The following CCDC180 variants were observed in gnomAD, a reference collection of about 807,000 sequenced individuals.
CCDC180 encodes the protein coiled-coil domain containing 180, also known as coiled-coil domain-containing protein 180.
In CCDC180, 154 loss-of-function variants were observed where a neutral mutation model predicts 209.2. The observed-to-expected ratio is 0.74, with a 90% confidence interval of 0.65 to 0.84. The LOEUF (loss-of-function observed/expected upper bound fraction) is 0.84, where lower values mean the gene tolerates loss of function less well. Among genes scored for constraint, CCDC180 ranks in the 40% least tolerant of loss-of-function variants. The pLI is 0.00. For synonymous variants in CCDC180, 778 were observed against 749.1 expected (o/e 1.04, Z -0.63); for missense variants, 1,874 against 1,997.3 (o/e 0.94, Z 1.18).
At chr9:97,318,620 TG>T in intron 10 of CCDC180, 38 bp downstream of exon 10, 1 of 1,603,242 alleles carries the variant, frequency 6.2e-7, no homozygotes. Flanking sequence ...GGGTGCTTCT[TG>T]GGGTGCAGTG....
chr9:97,311,403 A>G (rs1332732319), intron 3 of CCDC180, among the ~76,000 whole-genome samples: 2 of 152,206 alleles, frequency 1.3e-5, no homozygotes, highest in Non-Finnish European at 2.9e-5. Flanking sequence ...AGTTGACTGG[A>G]AAGTATTGGA....
chr9:97,354,591 T>C lies in CCDC180; in HGVS notation c.3025T>C (p.Phe1009Leu). 2 of 1,614,182 alleles carry C rather than the reference T, an allele frequency of 1.2e-6. No homozygotes were observed. Among genetic ancestry groups the C allele is most frequent in the Non-Finnish European group, 1.7e-6 (2 of 1,180,018 alleles). ...HCRLFSEGGNFSPKEINSLCS... is the reference protein window; with the variant it reads ...HCRLFSEGGNLSPKEINSLCS... ...CAGATTGTTTTCAGAGGGAGGCAAC[T>C]TTTCTCCTAAAGAAATCAATTCACT... is the stretch of plus-strand genomic sequence containing the variant. The change falls in exon 23 of 37, where the codon TTT becomes CTT. Residue 1009 changes from phenylalanine (F) to leucine (L), a missense_variant. Coordinates refer to ENST00000529487, the MANE Select transcript of CCDC180 (RefSeq NM_020893.6).
At chr9:97,356,303 G>A (rs1587825080) in intron 24 of CCDC180, among the ~76,000 whole-genome samples, 11 of 152,168 alleles carry the variant, frequency 7.2e-5, no homozygotes, top group Admixed American at 7.2e-4. Flanking sequence ...AGTGGCAAGT[G>A]CAGTTCGATA....
In CCDC180 at chr9:97,339,092, T is replaced by G. The variant is rs190638484; in HGVS notation, c.2275-4248T>G. ...AGGTCTCCTGAATACAGCACACTGA[T>G]GGGTCTTGACTCTTTATTCAATTTG... On this transcript the variant is annotated intron_variant, in intron 18 of 36. Coordinates refer to ENST00000529487, the MANE Select transcript of CCDC180 (RefSeq NM_020893.6). Among the ~76,000 whole-genome samples the G allele has an allele frequency of 2.5e-3, 382 of 152,316 alleles. 1 individual carries two copies. The highest frequency in any genetic ancestry group is 8.7e-3 in the African/African-American group (360 of 41,562).
Position 97,370,935 on chromosome 9 carries a change from G to C in CCDC180, c.4488+157G>C, listed in dbSNP as rs1054496464. ...TAGGTAAAAATGGCCATTATTGGCT[G>C]TTTTAACTTGTATACTTTTTTTTTT... On this transcript the variant is annotated intron_variant, in intron 33 of 36. Transcript: ENST00000529487. The C allele has an allele frequency of 3.8e-5, 12 of 317,200 alleles. No homozygotes were observed. The South Asian group carries it at 6.8e-4, about 18-fold the overall frequency. 19.6% of individuals were successfully genotyped at this position (317,200 alleles called of 1,614,324 possible). A position where few individuals can be genotyped will look rare whatever the true frequency, so the allele number is the denominator to read the frequency against.
rs747114295 is a variant in CCDC180, at chr9:97,376,885, G to A, written c.4965G>A (p.Leu1655=). Residue 1655 remains leucine (L), a synonymous_variant, in exon 37 of 37, where the codon CTG becomes CTA. Coordinates refer to ENST00000529487, the MANE Select transcript of CCDC180 (RefSeq NM_020893.6). Reference sequence around the variant, plus strand: ...AGTCCCTGCACACTATCCAAGGCCTGTATGTGTGACCCTCCGCCCCACCAT... The same window carrying A: ...AGTCCCTGCACACTATCCAAGGCCTATATGTGTGACCCTCCGCCCCACCAT... ...WKQSLHTIQG[L]YV is the part of the protein sequence containing the mutation. 38 of 1,611,568 alleles carry A rather than the reference G, an allele frequency of 2.4e-5. No homozygotes were observed. The highest frequency in any genetic ancestry group is 1.7e-4 in the Admixed American group (10 of 59,948).
Position 97,377,079 on chromosome 9 carries a change from C to T in CCDC180, c.*185C>T, listed in dbSNP as rs748742953. 28 of 505,378 alleles carry T rather than the reference C, an allele frequency of 5.5e-5. No individual in the cohort carries two copies. Among genetic ancestry groups the T allele is most frequent in the Non-Finnish European group, 7.5e-5 (23 of 307,208 alleles). The allele number at this position is 505,378 out of a possible 1,614,324, so 31.3% of individuals were successfully genotyped here. A position where few individuals can be genotyped will look rare whatever the true frequency, so the allele number is the denominator to read the frequency against. ...TCCCTGCCCACGTGGAGCCCTCTTCCCATGAGGAAGGCAAGCATGAAAGGG... is the reference window on the plus strand; with the variant it reads ...TCCCTGCCCACGTGGAGCCCTCTTCTCATGAGGAAGGCAAGCATGAAAGGG... On this transcript the variant is annotated 3_prime_UTR_variant, in exon 37 of 37. Transcript: ENST00000529487.
intron 34 of CCDC180, 94 bp from the exon 35 acceptor site, chr9:97,374,449 C>G (rs1184911257): frequency 2.2e-5 from 20 of 918,490 alleles, no homozygotes; most frequent in Non-Finnish European, 3.3e-5. Flanking sequence ...GGAGGGGTGC[C>G]AGTCCTCCCT....
intron 31 of CCDC180, chr9:97,369,620 A>G: frequency 4.3e-6 from 1 of 233,052 alleles, no homozygotes; most frequent in South Asian, 6.5e-5. Context: ...GCTAATGTTT[A>G]AATATTTTTT....
chr9:97,324,295 G>A, intron 13 of CCDC180, among the ~76,000 whole-genome samples: 1 of 152,202 alleles, frequency 6.6e-6, no homozygotes, highest in East Asian at 1.9e-4. Context: ...TCAGGTCTCT[G>A]ACGCACCTTG....
intron 22 of CCDC180, among the ~76,000 whole-genome samples, chr9:97,352,451 A>G (rs980755275): frequency 6.6e-6 from 1 of 152,106 alleles, no homozygotes; most frequent in Admixed American, 6.5e-5. Flanking sequence ...GGTTGATGAG[A>G]TATCTGGGGA....
intron 19 of CCDC180, among the ~76,000 whole-genome samples, chr9:97,344,113 A>G (rs1826177066): frequency 1.3e-5 from 2 of 152,130 alleles, no homozygotes; most frequent in Admixed American, 1.3e-4. Flanking sequence ...CCATAATCCC[A>G]CCACTGAGAA....
At chr9:97,312,902 C>G (rs1833037024) in intron 4 of CCDC180, among the ~76,000 whole-genome samples, 1 of 152,176 alleles carries the variant, frequency 6.6e-6, no homozygotes, top group South Asian at 2.1e-4. Flanking sequence ...AGCATGAAGA[C>G]TAGCTGAGTT....
At chr9:97,308,211 T>C in intron 2 of CCDC180, 79 bp downstream of exon 2, 1 of 1,318,148 alleles carries the variant, frequency 7.6e-7, no homozygotes, top group Non-Finnish European at 1.0e-6. Context: ...TCCCAGGGCT[T>C]CCCTACTGGA....
At chr9:97,340,927 A>T (rs1187756744) in intron 18 of CCDC180, among the ~76,000 whole-genome samples, 1 of 152,226 alleles carries the variant, frequency 6.6e-6, no homozygotes, top group African/African-American at 2.4e-5. Context: ...GCTGTGCTTC[A>T]GTGGTCACGC....
rs60324111 is a variant in CCDC180 at position 97,361,638 on chromosome 9, G to A, written c.3484-88G>A. ...TGCCTGCAGCCACTCCACTGAGGCA[G>A]GGTGGGAGGGAACATGAATTCGGCC... is the stretch of plus-strand genomic sequence containing the variant. On this transcript the variant is annotated intron_variant, in intron 26 of 36. Transcript: ENST00000529487. The A allele has an allele frequency of 4.8e-3, 6,634 of 1,392,396 alleles. 249 individuals are homozygous for A. The African/African-American group carries it at 0.083, about 17-fold the overall frequency. The allele number at this position is 1,392,396 out of a possible 1,614,324, so 86.3% of individuals were successfully genotyped here.
At chr9:97,326,754 G>A in intron 15 of CCDC180, 85 bp downstream of exon 15, 1 of 815,522 alleles carries the variant, frequency 1.2e-6, no homozygotes, top group South Asian at 1.5e-5. Flanking sequence ...AAGAGCCCAG[G>A]AGCCTGCCAG....
At chr9:97,334,630 T>G (rs1334851339) in intron 18 of CCDC180, among the ~76,000 whole-genome samples, 2 of 152,224 alleles carry the variant, frequency 1.3e-5, no homozygotes, top group African/African-American at 4.8e-5. Flanking sequence ...TTAAGTTGCA[T>G]TTTTGCTAAC....
chr9:97,343,479 C>T lies in CCDC180; in HGVS notation c.2414C>T (p.Ala805Val), dbSNP rs1045548461. 18 of 1,614,072 alleles carry T rather than the reference C, an allele frequency of 1.1e-5. No individual in the cohort carries two copies. Among genetic ancestry groups the T allele is most frequent in the Admixed American group, 3.3e-5 (2 of 60,026 alleles). ...HCRKSHSTFS[A>V]MFINDTSSAK... Reference sequence around the variant, plus strand: ...AGGAAGTCCCATTCCACCTTCTCAGCCATGTTCATCAACGACACTTCCAGT... The same window carrying T: ...AGGAAGTCCCATTCCACCTTCTCAGTCATGTTCATCAACGACACTTCCAGT... Residue 805 changes from alanine (A) to valine (V), a missense_variant, in exon 19 of 37, where the codon GCC becomes GTC. Physicochemically the swap from Ala to Val is moderately conservative, Grantham distance 64. Transcript: ENST00000529487.
Sources: gnomAD v4.1 joint callset for allele counts (sites outside exome capture counted in the v4.1 genomes callset) on GRCh38, gnomAD v4.1.1 for gene constraint, MANE v1.5 for transcripts, NCBI Gene and HGNC (gene_info 2026-07-23, HGNC 2026-07-21) for gene names.